The following KLHL1 variants were observed in gnomAD, a reference collection of about 807,000 sequenced individuals.
KLHL1 encodes kelch-like protein 1.
A neutral mutation model predicts 77.7 loss-of-function variants in KLHL1; 47 were observed. The ratio of observed to expected loss-of-function variants is 0.60; its 90% confidence interval spans 0.48 to 0.77. The LOEUF (loss-of-function observed/expected upper bound fraction) is 0.77, where lower values mean the gene tolerates loss of function less well. KLHL1 is among the 30% of genes least tolerant of loss of function. KLHL1 has a pLI of 0.00. For synonymous variants in KLHL1, 360 were observed against 325.2 expected, an observed-to-expected ratio of 1.11 and a Z score of -1.15; for missense variants, 925 against 910.8, an observed-to-expected ratio of 1.02 and a Z score of -0.20.
At chr13:69,980,828 C>G (rs926904125) in intron 1 of KLHL1, among the ~76,000 whole-genome samples, 1 of 152,066 alleles carries the variant, frequency 6.6e-6, no homozygotes, top group Non-Finnish European at 1.5e-5. Context: ...TTAAATACAT[C>G]TCTGCCATAT....
intron 6 of KLHL1, among the ~76,000 whole-genome samples, chr13:69,816,817 G>C (rs957033631): frequency 4.6e-5 from 7 of 152,118 alleles, no homozygotes; most frequent in Admixed American, 4.6e-4. Context: ...AATTAGCCGA[G>C]AGTGGTGGCA....
At chr13:69,934,880 G>T (rs1302451477) in intron 4 of KLHL1, among the ~76,000 whole-genome samples, 3 of 149,354 alleles carry the variant, frequency 2.0e-5, no homozygotes, top group African/African-American at 7.4e-5. Context: ...TTTATTTAAG[G>T]AATCTTTTCC....
intron 3 of KLHL1, among the ~76,000 whole-genome samples, chr13:69,958,454 A>G: frequency 8.6e-6 from 1 of 116,648 alleles, no homozygotes; most frequent in East Asian, 3.8e-4. Context: ...TTCAAAGATT[A>G]TAAACTATAA....
At chr13:69,776,026 G>T (rs1283801117) in intron 7 of KLHL1, among the ~76,000 whole-genome samples, 1 of 151,666 alleles carries the variant, frequency 6.6e-6, no homozygotes, top group African/African-American at 2.4e-5. Context: ...CGTGGTGGTG[G>T]GTGCTTGTAT....
chr13:69,996,880 T>A (rs1885165401), intron 1 of KLHL1, among the ~76,000 whole-genome samples: 1 of 149,538 alleles, frequency 6.7e-6, no homozygotes, highest in African/African-American at 2.4e-5. Context: ...AGAAATTGCC[T>A]TTATGAAAAG....
intron 1 of KLHL1, among the ~76,000 whole-genome samples, chr13:70,101,699 G>A (rs928206413): frequency 2.0e-5 from 3 of 152,120 alleles, no homozygotes; most frequent in Non-Finnish European, 4.4e-5. Context: ...AAAGTGCTGG[G>A]ATTACAGGCG....
At chr13:69,715,207 G>T (rs898031133) in intron 9 of KLHL1, among the ~76,000 whole-genome samples, 2 of 152,158 alleles carry the variant, frequency 1.3e-5, no homozygotes, top group African/African-American at 4.8e-5. Flanking sequence ...ATATGGTTAG[G>T]CTTTGTGTCC....
chr13:69,784,417 A>C (rs975583333), intron 7 of KLHL1, among the ~76,000 whole-genome samples: 4 of 152,194 alleles, frequency 2.6e-5, no homozygotes, highest in Non-Finnish European at 4.4e-5. Context: ...AAGACCTATC[A>C]GTGTGCTGTA....
intron 7 of KLHL1, among the ~76,000 whole-genome samples, chr13:69,744,612 T>C (rs1244173261): frequency 6.6e-6 from 1 of 151,660 alleles, no homozygotes; most frequent in African/African-American, 2.4e-5. Flanking sequence ...TGTATACCTA[T>C]ATCACTTCCA....
chr13:70,005,360 A>G (rs1885380965), intron 1 of KLHL1, among the ~76,000 whole-genome samples: 1 of 152,074 alleles, frequency 6.6e-6, no homozygotes, highest in African/African-American at 2.4e-5. Context: ...TTCATTTTCT[A>G]TCAAGCTTGT....
chr13:69,934,699 T>A (rs1053161390), intron 4 of KLHL1, among the ~76,000 whole-genome samples: 2 of 151,714 alleles, frequency 1.3e-5, no homozygotes, highest in Non-Finnish European at 2.9e-5. Context: ...ATAAACTACC[T>A]CTCTTCTTGT....
intron 9 of KLHL1, among the ~76,000 whole-genome samples, chr13:69,717,530 C>G (rs1044837924): frequency 1.3e-5 from 2 of 152,162 alleles, no homozygotes; most frequent in Non-Finnish European, 2.9e-5. Flanking sequence ...AATTTTCCAA[C>G]ATAAATGTAT....
chr13:69,879,437 A>T (rs973531271), intron 5 of KLHL1, among the ~76,000 whole-genome samples: 2 of 152,152 alleles, frequency 1.3e-5, no homozygotes, highest in Non-Finnish European at 2.9e-5. Context: ...CTTGGTAGCA[A>T]CACACACAAA....
chr13:69,786,743 T>C (rs932146433), intron 7 of KLHL1, among the ~76,000 whole-genome samples: 3 of 152,182 alleles, frequency 2.0e-5, no homozygotes, highest in Non-Finnish European at 2.9e-5. Context: ...GACATGATTG[T>C]ATATCTAGAA....
At chr13:69,817,589 A>G (rs1172882722) in intron 6 of KLHL1, among the ~76,000 whole-genome samples, 1 of 152,212 alleles carries the variant, frequency 6.6e-6, no homozygotes, top group Non-Finnish European at 1.5e-5. Flanking sequence ...CATAGAAGTA[A>G]TTTAATTTTG....
chr13:69,749,052 T>A (rs7991639), intron 7 of KLHL1, among the ~76,000 whole-genome samples: 33,761 of 151,960 alleles, frequency 0.22, 4,067 homozygotes, highest in South Asian at 0.32. Context: ...TTTTGTAGAT[T>A]GCCACAATAT....
intron 1 of KLHL1, among the ~76,000 whole-genome samples, chr13:70,001,238 A>G (rs1330635344): frequency 6.6e-6 from 1 of 151,286 alleles, no homozygotes; most frequent in Middle Eastern, 6.0e-3. Context: ...GCTAAGAATA[A>G]TTAAAAATAA....
At chr13:69,731,981 T>TAA (rs2137915571) in intron 8 of KLHL1, among the ~76,000 whole-genome samples, 1 of 152,152 alleles carries the variant, frequency 6.6e-6, no homozygotes, top group South Asian at 2.1e-4. Context: ...TTAAAGATGA[T>TAA]AAAAAGACTT....
intron 6 of KLHL1, 38 bp from the exon 7 acceptor site, chr13:69,797,000 T>C: frequency 6.5e-7 from 1 of 1,531,804 alleles, no homozygotes; most frequent in African/African-American, 1.4e-5. Flanking sequence ...CCAATTGCTA[T>C]AAATTCAACA....
Sources: allele counts gnomAD v4.1 joint callset (sites outside exome capture counted in the v4.1 genomes callset), GRCh38; gene constraint gnomAD v4.1.1; transcripts MANE v1.5; gene names NCBI Gene and HGNC (gene_info 2026-07-23, HGNC 2026-07-21).